ESRRG: variants seen among roughly 807,000 people sequenced by gnomAD.
ESRRG encodes the protein estrogen related receptor gamma.
Under a neutral mutation model 44.0 loss-of-function variants are expected in ESRRG, and 13 were observed. The observed-to-expected ratio is 0.30, with a 90% CI of 0.19 to 0.47. The LOEUF (loss-of-function observed/expected upper bound fraction) is 0.47. Among genes scored for constraint, ESRRG ranks in the 20% least tolerant of loss-of-function variants. The pLI is 1.00. For missense variants in ESRRG, 395 were observed against 580.6 expected (o/e 0.68, Z 3.29); for synonymous variants, 215 against 214.6 (o/e 1.00, Z -0.02).
intron 1 of ESRRG, chr1:216,686,146 T>C (rs1018402834): frequency 1.2e-4 from 18 of 152,164 alleles, no homozygotes; most frequent in South Asian, 2.1e-4. Flanking sequence ...GGGTGATCTA[T>C]AGCAGAGGTG....
At chr1:216,673,444 A>G (rs1559145040) in intron 2 of ESRRG, among the ~76,000 whole-genome samples, 1 of 152,242 alleles carries the variant, frequency 6.6e-6, no homozygotes, top group African/African-American at 2.4e-5. Context: ...CTACAAGCAC[A>G]GCCAGGTGGG....
At chr1:216,946,389 A>G (rs367995353) in intron 1 of ESRRG, among the ~76,000 whole-genome samples, 43 of 152,302 alleles carry the variant, frequency 2.8e-4, no homozygotes, top group African/African-American at 1.0e-3. Flanking sequence ...CACACACAAC[A>G]AAATAAACTG....
chr1:217,068,679 G>T (rs1012121399), intron 1 of ESRRG, among the ~76,000 whole-genome samples: 1 of 152,134 alleles, frequency 6.6e-6, no homozygotes, highest in East Asian at 1.9e-4. Flanking sequence ...GTAGAAGGGA[G>T]TCGTTTTGCA....
chr1:216,988,031 C>CTTAT (rs1033558921), intron 1 of ESRRG, among the ~76,000 whole-genome samples: 5 of 152,022 alleles, frequency 3.3e-5, no homozygotes, highest in African/African-American at 1.2e-4. Flanking sequence ...GTCTTATTTC[C>CTTAT]TTATTTTTCT....
intron 1 of ESRRG, among the ~76,000 whole-genome samples, chr1:217,040,049 G>T (rs1455573606): frequency 1.3e-5 from 2 of 152,182 alleles, no homozygotes; most frequent in East Asian, 3.9e-4. Context: ...GAGACAGAGA[G>T]TGTGTGTAAG....
At chr1:216,714,060 C>A (rs2084251421) in intron 1 of ESRRG, among the ~76,000 whole-genome samples, 1 of 152,142 alleles carries the variant, frequency 6.6e-6, no homozygotes, top group African/African-American at 2.4e-5. Context: ...TGCACTATAG[C>A]CAGATTCCAG....
intron 1 of ESRRG, among the ~76,000 whole-genome samples, chr1:217,061,310 T>C (rs2151353973): frequency 6.6e-6 from 1 of 152,140 alleles, no homozygotes; most frequent in East Asian, 1.9e-4. Flanking sequence ...AAATCGCAAA[T>C]AGATAACAAA....
intron 1 of ESRRG, among the ~76,000 whole-genome samples, chr1:217,081,428 C>T (rs928754457): frequency 6.6e-6 from 1 of 151,546 alleles, no homozygotes; most frequent in African/African-American, 2.4e-5. Flanking sequence ...GGTTTCTCCA[C>T]GTTGGTCAGG....
At chr1:216,826,373 A>G (rs576357499) in intron 2 of ESRRG, among the ~76,000 whole-genome samples, 1 of 152,276 alleles carries the variant, frequency 6.6e-6, no homozygotes, top group Admixed American at 6.5e-5. Flanking sequence ...GAGAGCTGGT[A>G]CACCTACTGA....
chr1:216,727,901 GA>G (rs113165319), upstream of ESRRG, among the ~76,000 whole-genome samples: 9,347 of 150,218 alleles, frequency 0.062, 362 homozygotes, highest in African/African-American at 0.092. Flanking sequence ...GTTGGAGGGG[GA>G]AAAAAAAAGA....
intron 2 of ESRRG, among the ~76,000 whole-genome samples, chr1:216,798,654 G>C (rs76688634): frequency 0.023 from 3,451 of 152,238 alleles, 84 homozygotes; most frequent in Middle Eastern, 0.075. Context: ...GGAGGCCTTT[G>C]CAGAAGTCCA....
intron 5 of ESRRG, among the ~76,000 whole-genome samples, chr1:216,559,245 CACTTAACTAAAAG>C (rs1325858495): frequency 6.6e-6 from 1 of 152,136 alleles, no homozygotes; most frequent in Non-Finnish European, 1.5e-5. Context: ...AACTTTCTTC[CACTTAACTAAAAG>C]ACTTAACTAC....
chr1:216,939,300 A>T (rs1020630596), intron 2 of ESRRG, among the ~76,000 whole-genome samples: 1 of 144,414 alleles, frequency 6.9e-6, no homozygotes, highest in Non-Finnish European at 1.5e-5. Context: ...ACTACAACAC[A>T]TACTTGGTAA....
At chr1:216,679,993 G>A (rs771452409) in intron 1 of ESRRG, among the ~76,000 whole-genome samples, 7 of 152,184 alleles carry the variant, frequency 4.6e-5, no homozygotes, top group African/African-American at 1.2e-4. Flanking sequence ...AAGGAAATTC[G>A]GGACGTACAA....
chr1:216,914,815 G>A (rs750652953), intron 2 of ESRRG, among the ~76,000 whole-genome samples: 4 of 152,106 alleles, frequency 2.6e-5, no homozygotes, highest in Admixed American at 6.6e-5. Flanking sequence ...CATAACCACT[G>A]TCTGGGCGGA....
intron 1 of ESRRG, among the ~76,000 whole-genome samples, chr1:217,105,464 C>T (rs953038137): frequency 6.6e-6 from 1 of 152,102 alleles, no homozygotes; most frequent in Non-Finnish European, 1.5e-5. Flanking sequence ...GGATTTGGAT[C>T]GAGCTGTTCA....
intron 1 of ESRRG, among the ~76,000 whole-genome samples, chr1:217,105,118 C>A (rs952986904): frequency 6.6e-6 from 1 of 152,198 alleles, no homozygotes; most frequent in East Asian, 1.9e-4. Context: ...TCTATCTGGA[C>A]CCCTAGTCAG....
At chr1:216,830,948 A>C (rs564759723) in intron 2 of ESRRG, among the ~76,000 whole-genome samples, 4 of 151,548 alleles carry the variant, frequency 2.6e-5, no homozygotes, top group African/African-American at 9.7e-5. Flanking sequence ...GCGTGCTCTC[A>C]CCTCCTACAA....
chr1:216,810,147 A>T (rs1339337), intron 2 of ESRRG, among the ~76,000 whole-genome samples: 1 of 151,910 alleles, frequency 6.6e-6, no homozygotes, highest in East Asian at 1.9e-4. Context: ...GCAGGGCCAA[A>T]TCACCACTTT....
Sources: allele counts gnomAD v4.1 joint callset (sites outside exome capture counted in the v4.1 genomes callset), GRCh38; gene constraint gnomAD v4.1.1; transcripts MANE v1.5; gene names NCBI Gene and HGNC (gene_info 2026-07-23, HGNC 2026-07-21).